The following ZNF492 variants were observed in gnomAD, a reference collection of about 807,000 sequenced individuals.
ZNF492 encodes the protein zinc finger protein 492.
In ZNF492, 3 loss-of-function variants were observed where a neutral mutation model predicts 6.4. The ratio of observed to expected loss-of-function variants is 0.47; its 90% CI spans 0.21 to 1.22. The LOEUF is 1.22. Ranked by LOEUF, ZNF492 falls within the 50% of genes most tolerant of loss-of-function variation. ZNF492 has a pLI of 0.22. For missense variants in ZNF492, 356 were observed against 612.5 expected (o/e 0.58, Z 4.42); for synonymous variants, 112 against 205.3 (o/e 0.55, Z 3.89).
intron 1 of ZNF492, among the ~76,000 whole-genome samples, chr19:22,638,427 A>G (rs1333407558): frequency 6.6e-6 from 1 of 152,148 alleles, no homozygotes; most frequent in Non-Finnish European, 1.5e-5. Context: ...TCAATCTTCT[A>G]CATAGTCCTA....
chr19:22,640,789 T>C (rs375293957), intron 1 of ZNF492, among the ~76,000 whole-genome samples: 253 of 152,284 alleles, frequency 1.7e-3, no homozygotes, highest in African/African-American at 5.9e-3. Flanking sequence ...ACTAATTCAG[T>C]TTTCAAGCTT....
At chr19:22,652,643 G>A (rs1382636104) in intron 1 of ZNF492, among the ~76,000 whole-genome samples, 33 of 149,478 alleles carry the variant, frequency 2.2e-4, no homozygotes, top group Non-Finnish European at 3.1e-4. Flanking sequence ...GCAGTGGCGC[G>A]ATTTCAGCTC....
intron 1 of ZNF492, among the ~76,000 whole-genome samples, chr19:22,648,108 A>G (rs1971903624): frequency 6.6e-6 from 1 of 152,148 alleles, no homozygotes; most frequent in African/African-American, 2.4e-5. Context: ...ATTTGGTGCT[A>G]TAAATTCCCC....
At chr19:22,653,553 A>T in intron 2 of ZNF492, 120 bp downstream of exon 2, 2 of 1,115,668 alleles carry the variant, frequency 1.8e-6, no homozygotes, top group Non-Finnish European at 2.4e-6. Context: ...TTTAACTTCA[A>T]GATTTGTCTA....
chr19:22,659,739 C>T (rs1274936504), intron 3 of ZNF492, among the ~76,000 whole-genome samples: 1 of 144,522 alleles, frequency 6.9e-6, no homozygotes, highest in Non-Finnish European at 1.5e-5. Flanking sequence ...GATCTCGGCT[C>T]ACTGCAACCT....
chr19:22,653,226 T>C, intron 1 of ZNF492, 81 bp from the exon 2 acceptor site: 1 of 1,517,632 alleles, frequency 6.6e-7, no homozygotes, highest in Non-Finnish European at 8.9e-7. Context: ...TTCTCTTTAC[T>C]CTTGTTTTAC....
chr19:22,643,792 C>CT (rs371880129), intron 1 of ZNF492, among the ~76,000 whole-genome samples: 5 of 151,980 alleles, frequency 3.3e-5, no homozygotes, highest in African/African-American at 1.2e-4. Context: ...TCATGTGACT[C>CT]TAAGTTGTGG....
intron 3 of ZNF492, among the ~76,000 whole-genome samples, chr19:22,654,881 G>A (rs1407250090): frequency 6.6e-6 from 1 of 150,642 alleles, no homozygotes; most frequent in Admixed American, 6.6e-5. Context: ...AATTACAGGC[G>A]TGACCCACCG....
chr19:22,640,582 A>C (rs763736132), intron 1 of ZNF492, among the ~76,000 whole-genome samples: 1 of 152,178 alleles, frequency 6.6e-6, no homozygotes, highest in African/African-American at 2.4e-5. Context: ...TTTTGCATCA[A>C]TGTTCATCAA....
chr19:22,636,385 C>G (rs951216241), intron 1 of ZNF492, among the ~76,000 whole-genome samples: 1 of 152,070 alleles, frequency 6.6e-6, no homozygotes, highest in Non-Finnish European at 1.5e-5. Context: ...CATGAGCCAC[C>G]GCGCCCAGCC....
chr19:22,654,476 GTCTTGAA>G (rs1971973523), intron 3 of ZNF492, among the ~76,000 whole-genome samples: 1 of 149,996 alleles, frequency 6.7e-6, no homozygotes, highest in South Asian at 2.1e-4. Context: ...TCTTATTATA[GTCTTGAA>G]GTATAGTTTG....
chr19:22,650,666 G>A (rs1015081325), intron 1 of ZNF492, among the ~76,000 whole-genome samples: 3 of 152,146 alleles, frequency 2.0e-5, no homozygotes, highest in Non-Finnish European at 4.4e-5. Context: ...GGAGGGATGT[G>A]TCAGGGTCAG....
chr19:22,635,751 G>T (rs1184497295), intron 1 of ZNF492, among the ~76,000 whole-genome samples: 2 of 152,238 alleles, frequency 1.3e-5, no homozygotes, highest in African/African-American at 4.8e-5. Flanking sequence ...CCGCTATGGC[G>T]ATGTCTGCTA....
chr19:22,639,837 CTTT>C (rs979590038), intron 1 of ZNF492, among the ~76,000 whole-genome samples: 1 of 145,164 alleles, frequency 6.9e-6, no homozygotes. Flanking sequence ...GTTTGTATGC[CTTT>C]TTTTTTTTAT....
chr19:22,667,197 C>G lies in ZNF492; in HGVS notation c.*1932C>G, dbSNP rs370349429. 1 of 152,174 alleles carries G rather than the reference C, an allele frequency of 6.6e-6. No homozygotes were observed. The highest frequency in any genetic ancestry group is 1.5e-5 in the Non-Finnish European group (1 of 68,042). 9.4% of individuals were successfully genotyped at this position (152,174 alleles called of 1,614,324 possible). A position where few individuals can be genotyped will look rare whatever the true frequency, so the allele number is the denominator to read the frequency against. On this transcript the variant is annotated 3_prime_UTR_variant, in exon 4 of 4. Transcript: ENST00000456783. ...GAGCCGAGATCATGCCATGGCACTC[C>G]GTCCTGGGTGACAAAGTGAGACTCC...
In ZNF492 at chr19:22,636,514, CTGTGTGTGTGTGTG is replaced by C. The variant is rs141601969; in HGVS notation, c.-94+2058_-94+2071del. 1.3e-3 allele frequency among the ~76,000 whole-genome samples: 198 copies of C among 147,316 alleles called. 3 individuals are homozygous for C. Among genetic ancestry groups the C allele is most frequent in the Middle Eastern group, 7.0e-3 (2 of 286 alleles). On this transcript the variant is annotated intron_variant, in intron 1 of 3. Transcript: ENST00000456783. ...ATGTTGCTTCAAAGGACATGATCTT[CTGTGTGTGTGTGTG>C]TGTGTGTGTGTGTGTGTTTGTGTGT... is the stretch of plus-strand genomic sequence containing the variant.
chr19:22,650,922 T>G (rs1971933086), intron 1 of ZNF492, among the ~76,000 whole-genome samples: 1 of 152,096 alleles, frequency 6.6e-6, no homozygotes, highest in Admixed American at 6.5e-5. Context: ...CAGGCAGCCA[T>G]AGCTGTAGTG....
At chr19:22,660,076 C>T (rs1972042697) in intron 3 of ZNF492, among the ~76,000 whole-genome samples, 1 of 152,084 alleles carries the variant, frequency 6.6e-6, no homozygotes, top group Non-Finnish European at 1.5e-5. Flanking sequence ...ATAATACTAT[C>T]TTGATTTCTT....
At chr19:22,641,024 G>A (rs1046712426) in intron 1 of ZNF492, among the ~76,000 whole-genome samples, 3 of 151,888 alleles carry the variant, frequency 2.0e-5, no homozygotes, top group Non-Finnish European at 4.4e-5. Context: ...CTTAATGGTG[G>A]TTGGTTTTAT....
Sources: allele counts gnomAD v4.1 joint callset (sites outside exome capture counted in the v4.1 genomes callset), GRCh38; gene constraint gnomAD v4.1.1; transcripts MANE v1.5; gene names NCBI Gene and HGNC (gene_info 2026-07-23, HGNC 2026-07-21).